Variants in ENTREP2 observed in about 807,000 individuals in gnomAD.
ENTREP2 encodes the protein endosomal transmembrane epsin interactor 2, also known as protein ENTREP2.
At chr15:29,410,701 T>C in the ENTREP2 span, among the ~76,000 whole-genome samples, 6 of 152,230 alleles carry the variant, frequency 3.9e-5, no homozygotes, top group Admixed American at 6.5e-5. Context: ...GTTCCTAAGA[T>C]TCCTTTATCA....
At chr15:29,440,966 C>G in the ENTREP2 span, among the ~76,000 whole-genome samples, 3 of 152,224 alleles carry the variant, frequency 2.0e-5, no homozygotes, top group Non-Finnish European at 4.4e-5. Context: ...AATTCCACTT[C>G]TGGGTATATA....
the ENTREP2 span, among the ~76,000 whole-genome samples, chr15:29,480,447 G>T: frequency 2.0e-5 from 3 of 151,520 alleles, no homozygotes; most frequent in Admixed American, 6.6e-5. Context: ...GCCCCCCAGT[G>T]GGCAGCGTTC....
At chr15:29,557,940 T>C in the ENTREP2 span, among the ~76,000 whole-genome samples, 1 of 152,180 alleles carries the variant, frequency 6.6e-6, no homozygotes, top group East Asian at 1.9e-4. Context: ...ATGGGTAAAG[T>C]GACAATTTTC....
the ENTREP2 span, among the ~76,000 whole-genome samples, chr15:29,299,618 A>G: frequency 6.6e-6 from 1 of 152,130 alleles, no homozygotes; most frequent in Non-Finnish European, 1.5e-5. Flanking sequence ...ATGAAAAATC[A>G]AAATCCCCAT....
the ENTREP2 span, among the ~76,000 whole-genome samples, chr15:29,168,341 A>C: frequency 6.6e-6 from 1 of 152,220 alleles, no homozygotes; most frequent in Admixed American, 6.5e-5. Flanking sequence ...AGAATTTAAA[A>C]AAACCTACTA....
chr15:29,136,140 G>A, the ENTREP2 span, among the ~76,000 whole-genome samples: 1 of 152,230 alleles, frequency 6.6e-6, no homozygotes, highest in African/African-American at 2.4e-5. Flanking sequence ...TGAGCCTGTG[G>A]CCTCATCTAC....
the ENTREP2 span, among the ~76,000 whole-genome samples, chr15:29,667,748 G>A: frequency 5.3e-5 from 8 of 152,002 alleles, no homozygotes; most frequent in African/African-American, 1.7e-4. Flanking sequence ...CACCCACCTC[G>A]GCCTCCCAAA....
the ENTREP2 span, among the ~76,000 whole-genome samples, chr15:29,640,683 A>AAAAAG: frequency 1.6e-5 from 2 of 127,782 alleles, no homozygotes; most frequent in South Asian, 2.3e-4. Context: ...CAAAAAAACC[A>AAAAAG]AAAAGAAAAG....
At chr15:29,385,989 C>G in the ENTREP2 span, among the ~76,000 whole-genome samples, 2,386 of 151,680 alleles carry the variant, frequency 0.016, 71 homozygotes, top group African/African-American at 0.055. Context: ...CGAGGGCAGT[C>G]GGAGGAGAGT....
At chr15:29,620,376 C>T in the ENTREP2 span, among the ~76,000 whole-genome samples, 10 of 152,030 alleles carry the variant, frequency 6.6e-5, no homozygotes, top group South Asian at 8.3e-4. Context: ...GGAGGTGGGC[C>T]GGCAGGTCAG....
chr15:29,661,057 G>C, the ENTREP2 span, among the ~76,000 whole-genome samples: 1 of 140,450 alleles, frequency 7.1e-6, no homozygotes, highest in Non-Finnish European at 1.5e-5. Flanking sequence ...TGTAATTACA[G>C]CATTTTTTTG....
At chr15:29,666,868 C>T in the ENTREP2 span, among the ~76,000 whole-genome samples, 20 of 152,334 alleles carry the variant, frequency 1.3e-4, no homozygotes, top group African/African-American at 4.6e-4. Flanking sequence ...TGCAGGGCCA[C>T]GCTCTCTCGC....
chr15:29,197,869 T>C, the ENTREP2 span, among the ~76,000 whole-genome samples: 9 of 152,188 alleles, frequency 5.9e-5, no homozygotes, highest in South Asian at 2.1e-4. Flanking sequence ...TGCTTTCCAA[T>C]AGATAATATG....
the ENTREP2 span, among the ~76,000 whole-genome samples, chr15:29,142,527 C>T: frequency 0.021 from 3,171 of 152,250 alleles, 52 homozygotes; most frequent in Non-Finnish European, 0.026. Flanking sequence ...TGGGGTGAGG[C>T]GGAGAGAAGA....
the ENTREP2 span, among the ~76,000 whole-genome samples, chr15:29,170,599 A>T: frequency 4.7e-5 from 7 of 148,532 alleles, no homozygotes; most frequent in African/African-American, 1.6e-4. Context: ...TGTGTGTGTG[A>T]GTGTGTGTGT....
the ENTREP2 span, among the ~76,000 whole-genome samples, chr15:29,157,475 G>T: frequency 1.3e-5 from 2 of 152,180 alleles, no homozygotes; most frequent in Admixed American, 1.3e-4. Flanking sequence ...TGAATTTTGT[G>T]CTGGATTCTA....
At chr15:29,213,110 GTAT>G in the ENTREP2 span, among the ~76,000 whole-genome samples, 9 of 152,130 alleles carry the variant, frequency 5.9e-5, no homozygotes, top group African/African-American at 2.2e-4. Context: ...TAGACGTGTG[GTAT>G]TATTTCTGAG....
At chr15:29,134,064 C>G in the ENTREP2 span, among the ~76,000 whole-genome samples, 4 of 152,142 alleles carry the variant, frequency 2.6e-5, no homozygotes, top group South Asian at 8.3e-4. Flanking sequence ...CAAATTGGGC[C>G]TGACATCATG....
chr15:29,451,438 A>G, the ENTREP2 span, among the ~76,000 whole-genome samples: 159 of 152,242 alleles, frequency 1.0e-3, no homozygotes, highest in Non-Finnish European at 1.6e-3. Context: ...CCACAGAGAA[A>G]AGGCACTCCC....
Sources: gnomAD v4.1 joint callset for allele counts (sites outside exome capture counted in the v4.1 genomes callset) on GRCh38, gnomAD v4.1.1 for gene constraint, MANE v1.5 for transcripts, NCBI Gene and HGNC (gene_info 2026-07-23, HGNC 2026-07-21) for gene names.